Variants in KCNJ6 observed in about 807,000 individuals in gnomAD.
KCNJ6 encodes the protein potassium inwardly rectifying channel subfamily J member 6, also known as G protein-activated inward rectifier potassium channel 2.
A neutral mutation model predicts 34.2 loss-of-function variants in KCNJ6; 9 were observed. The ratio of observed to expected loss-of-function variants is 0.26; its 90% CI spans 0.16 to 0.46. The LOEUF is 0.46. Ranked by LOEUF, KCNJ6 falls within the 20% of genes least tolerant of loss-of-function variation. The pLI, the probability that KCNJ6 is intolerant of heterozygous loss-of-function variation, is 1.00. For synonymous variants in KCNJ6, 196 were observed against 207.1 expected, an observed-to-expected ratio of 0.95 and a Z score of 0.46; for missense variants, 236 against 531.3, an observed-to-expected ratio of 0.44 and a Z score of 5.46.
chr21:37,896,663 G>A (rs1165477160), intron 1 of KCNJ6, among the ~76,000 whole-genome samples: 4 of 152,164 alleles, frequency 2.6e-5, no homozygotes, highest in South Asian at 2.1e-4. Flanking sequence ...GAGACTCAAG[G>A]GTGGCACGTG....
At chr21:37,776,876 G>A (rs1414492812) in intron 2 of KCNJ6, among the ~76,000 whole-genome samples, 2 of 152,208 alleles carry the variant, frequency 1.3e-5, no homozygotes, top group Non-Finnish European at 2.9e-5. Context: ...ATGAGTTAGG[G>A]AGGATTCCCT....
chr21:37,773,986 T>TA (rs1261685240), intron 2 of KCNJ6, among the ~76,000 whole-genome samples: 6 of 152,182 alleles, frequency 3.9e-5, no homozygotes, highest in Non-Finnish European at 7.4e-5. Context: ...ACACTGTTTT[T>TA]ATCACATCAT....
intron 2 of KCNJ6, among the ~76,000 whole-genome samples, chr21:37,796,003 T>C (rs2055239805): frequency 6.6e-6 from 1 of 151,964 alleles, no homozygotes; most frequent in Admixed American, 6.6e-5. Flanking sequence ...CCCCTTGCAA[T>C]TGAGATGTAG....
rs747485811 is a variant in KCNJ6, at chr21:37,640,210, C to A, written c.947-14726G>T. Among the ~76,000 whole-genome samples the A allele has an allele frequency of 6.4e-4, 97 of 152,236 alleles. 1 individual carries two copies. The highest frequency in any genetic ancestry group is 1.9e-4 in the Non-Finnish European group (13 of 68,032). ...GTAATTTGAAATCACTTAATGCATT[C>A]ATTTCATTTTACAGAGCACAGTCTC... On this transcript the variant is annotated intron_variant, in intron 3 of 3. Coordinates refer to ENST00000609713, the MANE Select transcript of KCNJ6 (RefSeq NM_002240.5).
intron 1 of KCNJ6, among the ~76,000 whole-genome samples, chr21:37,879,599 A>G (rs2055696261): frequency 6.6e-6 from 1 of 151,940 alleles, no homozygotes; most frequent in South Asian, 2.1e-4. Flanking sequence ...CCAAAATAAC[A>G]TTGCTCTCTT....
At chr21:37,667,186 T>TAAAAAAAAA (rs1569441641) in intron 3 of KCNJ6, among the ~76,000 whole-genome samples, 236 of 86,708 alleles carry the variant, frequency 2.7e-3, no homozygotes, top group Middle Eastern at 0.011. Context: ...AAAAAAAAAT[T>TAAAAAAAAA]AAATGAGGCA....
At chr21:37,743,368 C>A (rs2054950520) in intron 2 of KCNJ6, among the ~76,000 whole-genome samples, 1 of 152,010 alleles carries the variant, frequency 6.6e-6, no homozygotes, top group South Asian at 2.1e-4. Context: ...TCTGTAGATG[C>A]CCTGATTGTA....
intron 1 of KCNJ6, among the ~76,000 whole-genome samples, chr21:37,869,720 T>G (rs192029509): frequency 1.3e-5 from 2 of 152,188 alleles, no homozygotes; most frequent in Admixed American, 1.3e-4. Flanking sequence ...TAATTCCACT[T>G]TGTCATTCAC....
chr21:37,672,955 T>G (rs530782443), intron 3 of KCNJ6, among the ~76,000 whole-genome samples: 1 of 152,332 alleles, frequency 6.6e-6, no homozygotes, highest in Non-Finnish European at 1.5e-5. Flanking sequence ...ATTATTTTAT[T>G]TTTTGTAGAG....
intron 3 of KCNJ6, among the ~76,000 whole-genome samples, chr21:37,712,502 CCTTCTCCTCCT>C (rs1161684016): frequency 9.2e-6 from 1 of 108,774 alleles, no homozygotes; most frequent in African/African-American, 3.1e-5. Flanking sequence ...TCCCTCCTCC[CCTTCTCCTCCT>C]CTCCTTCCTC....
intron 2 of KCNJ6, among the ~76,000 whole-genome samples, chr21:37,743,757 G>T: frequency 6.6e-6 from 1 of 151,116 alleles, no homozygotes; most frequent in East Asian, 1.9e-4. Flanking sequence ...TTCTGTTACA[G>T]AAGCTAAAAA....
At chr21:37,830,975 C>G (rs2055423037) in intron 2 of KCNJ6, among the ~76,000 whole-genome samples, 1 of 152,100 alleles carries the variant, frequency 6.6e-6, no homozygotes, top group African/African-American at 2.4e-5. Flanking sequence ...CAGGAGGCAG[C>G]AAATAAAAAC....
At chr21:37,761,555 T>G (rs930480068) in intron 2 of KCNJ6, among the ~76,000 whole-genome samples, 4 of 150,876 alleles carry the variant, frequency 2.7e-5, no homozygotes, top group African/African-American at 9.8e-5. Context: ...GTGGTATGTG[T>G]GTATGTGTTG....
chr21:37,800,856 C>A (rs1209135168), intron 2 of KCNJ6, among the ~76,000 whole-genome samples: 1 of 152,220 alleles, frequency 6.6e-6, no homozygotes, highest in Non-Finnish European at 1.5e-5. Context: ...CCACATCTGT[C>A]ACAAGATTGC....
In KCNJ6 at chr21:37,614,899, A is replaced by G. The variant is rs899226680; in HGVS notation, c.*10260T>C. 4 of 152,114 alleles carry G rather than the reference A, an allele frequency of 2.6e-5. No individual in the cohort carries two copies. Among genetic ancestry groups the G allele is most frequent in the East Asian group, 3.8e-4 (2 of 5,200 alleles). The allele number at this position is 152,114 out of a possible 1,614,324, so 9.4% of individuals were successfully genotyped here. A position where few individuals can be genotyped will look rare whatever the true frequency, so the allele number is the denominator to read the frequency against. ...GAAGGACTGGGGACATTATTGTTGCATAGTGTAACATTCAGAGGAATCCTC... is the reference window on the plus strand; with the variant it reads ...GAAGGACTGGGGACATTATTGTTGCGTAGTGTAACATTCAGAGGAATCCTC... On this transcript the variant is annotated 3_prime_UTR_variant, in exon 4 of 4. Coordinates refer to ENST00000609713, the MANE Select transcript of KCNJ6 (RefSeq NM_002240.5).
In KCNJ6 at chr21:37,793,069, A is replaced by T. The variant is rs191392694; in HGVS notation, c.25+47589T>A. On this transcript the variant is annotated intron_variant, in intron 2 of 3. Transcript: ENST00000609713. ...TGAGACCTCATCAGAACCTGTATAAAGTCATTCTCTCTGTGTATCAGGATA... is the reference window on the plus strand; with the variant it reads ...TGAGACCTCATCAGAACCTGTATAATGTCATTCTCTCTGTGTATCAGGATA... Among the ~76,000 whole-genome samples, 456 of 152,306 alleles carry T rather than the reference A, an allele frequency of 3.0e-3. 1 individual carries two copies. The highest frequency in any genetic ancestry group is 0.011 in the African/African-American group (437 of 41,560).
intron 3 of KCNJ6, among the ~76,000 whole-genome samples, chr21:37,648,814 A>T (rs931097668): frequency 6.6e-6 from 1 of 152,122 alleles, no homozygotes; most frequent in South Asian, 2.1e-4. Context: ...AAAACTGCAG[A>T]TATTTAAATC....
intron 2 of KCNJ6, among the ~76,000 whole-genome samples, chr21:37,813,070 C>A (rs1423330295): frequency 6.6e-6 from 1 of 152,092 alleles, no homozygotes; most frequent in Non-Finnish European, 1.5e-5. Context: ...AGTAAAGGTT[C>A]AGGATACAAA....
chr21:37,629,224 C>T (rs1204156924), intron 3 of KCNJ6, among the ~76,000 whole-genome samples: 2 of 151,996 alleles, frequency 1.3e-5, no homozygotes, highest in East Asian at 3.8e-4. Flanking sequence ...TAAGGTTATT[C>T]CATTTTATGG....
Sources: gnomAD v4.1 joint callset for allele counts (sites outside exome capture counted in the v4.1 genomes callset) on GRCh38, gnomAD v4.1.1 for gene constraint, MANE v1.5 for transcripts, NCBI Gene and HGNC (gene_info 2026-07-23, HGNC 2026-07-21) for gene names.